Variants in CEP112 observed in about 807,000 individuals in gnomAD.
CEP112 encodes the protein centrosomal protein 112, also known as centrosomal protein of 112 kDa.
CEP112 carries 127 observed loss-of-function variants against 153.0 expected under a neutral mutation model. The observed-to-expected ratio is 0.83, with a 90% CI of 0.72 to 0.96. The LOEUF (loss-of-function observed/expected upper bound fraction) is 0.96, where lower values mean the gene tolerates loss of function less well. Among genes scored for constraint, CEP112 ranks in the 40% least tolerant of loss-of-function variants. The pLI is 0.00. For missense variants in CEP112, 1,089 were observed against 1,101.2 expected (o/e 0.99, Z 0.16); for synonymous variants, 358 against 374.4 (o/e 0.96, Z 0.51).
intron 20 of CEP112, among the ~76,000 whole-genome samples, chr17:65,886,875 A>C (rs2059296656): frequency 6.6e-6 from 1 of 152,140 alleles, no homozygotes; most frequent in Non-Finnish European, 1.5e-5. Flanking sequence ...ATGCAGCTAT[A>C]ACTATAATAT....
intron 21 of CEP112, among the ~76,000 whole-genome samples, chr17:65,766,625 T>A (rs1356094692): frequency 3.9e-5 from 6 of 151,934 alleles, no homozygotes; most frequent in Non-Finnish European, 7.4e-5. Flanking sequence ...ATTATATGCT[T>A]CCTATGAGAG....
intron 19 of CEP112, among the ~76,000 whole-genome samples, chr17:65,905,970 C>T (rs1158714740): frequency 6.6e-6 from 1 of 151,618 alleles, no homozygotes; most frequent in Non-Finnish European, 1.5e-5. Context: ...GACACATGCA[C>T]ACTTATGTTT....
chr17:65,644,313 C>G, intron 24 of CEP112: 1 of 576,322 alleles, frequency 1.7e-6, no homozygotes, highest in Non-Finnish European at 3.1e-6. Flanking sequence ...AGGCCATGTT[C>G]CATTTGAGTG....
intron 4 of CEP112, among the ~76,000 whole-genome samples, chr17:66,170,842 A>G (rs2072214722): frequency 6.6e-6 from 1 of 152,176 alleles, no homozygotes. Context: ...TAGCAATGCA[A>G]TGTGGAACAG....
chr17:65,737,827 T>C (rs2050890787), intron 23 of CEP112, among the ~76,000 whole-genome samples: 1 of 152,244 alleles, frequency 6.6e-6, no homozygotes, highest in Admixed American at 6.5e-5. Context: ...GTTAATCTAC[T>C]AAACTTACAT....
At chr17:66,137,341 T>A (rs868211217) in intron 4 of CEP112, among the ~76,000 whole-genome samples, 30 of 152,008 alleles carry the variant, frequency 2.0e-4, no homozygotes, top group Middle Eastern at 3.2e-3. Flanking sequence ...AAGAAACTTA[T>A]GAGACACTAT....
At chr17:65,712,575 C>T (rs2049254494) in intron 23 of CEP112, among the ~76,000 whole-genome samples, 1 of 152,140 alleles carries the variant, frequency 6.6e-6, no homozygotes, top group Non-Finnish European at 1.5e-5. Context: ...ATGTAGTTAC[C>T]GCCCTCTTCT....
chr17:66,070,064 T>C lies in CEP112; in HGVS notation c.769-63A>G, dbSNP rs1568457475. 1.4e-5 allele frequency: 12 copies of C among 870,024 alleles called. No individual in the cohort carries two copies. The East Asian group carries it at 3.0e-4, about 22-fold the overall frequency. The allele number at this position is 870,024 out of a possible 1,614,324, so 53.9% of individuals were successfully genotyped here. ...TTTCCCTTTGGCAAAAAATACACAA[T>C]TAAACTAAAATAATTCCCTATAAAA... On this transcript the variant is annotated intron_variant, in intron 8 of 26. Transcript: ENST00000535342.
intron 18 of CEP112, among the ~76,000 whole-genome samples, chr17:65,961,009 T>TAAAA (rs34186038): frequency 2.0e-5 from 3 of 146,452 alleles, no homozygotes; most frequent in African/African-American, 5.0e-5. Flanking sequence ...CTTTAAAAAC[T>TAAAA]AAAAAAAAAA....
intron 24 of CEP112, among the ~76,000 whole-genome samples, chr17:65,641,847 T>G (rs1332830091): frequency 6.6e-6 from 1 of 152,200 alleles, no homozygotes; most frequent in Non-Finnish European, 1.5e-5. Context: ...AGAATCTGCA[T>G]AGCTGTGTCT....
intron 8 of CEP112, among the ~76,000 whole-genome samples, chr17:66,094,759 G>C (rs138955689): frequency 6.6e-6 from 1 of 151,916 alleles, no homozygotes; most frequent in Admixed American, 6.6e-5. Flanking sequence ...TCTAATAAGG[G>C]GTTAACATCC....
rs74004913 is a variant in CEP112 at position 65,701,526 on chromosome 17, C to T, written c.2608-12308G>A. On this transcript the variant is annotated intron_variant, in intron 23 of 26. Coordinates refer to ENST00000535342, the MANE Select transcript of CEP112 (RefSeq NM_001199165.4). ...AGTCACTGAGTTTGAATGCATATCA[C>T]GACATCCAGCTCTCCTGCCTGATAT... Among the ~76,000 whole-genome samples, 610 of 152,262 alleles carry T rather than the reference C, an allele frequency of 4.0e-3. 4 individuals carry two copies. The highest frequency in any genetic ancestry group is 0.014 in the African/African-American group (565 of 41,542).
At chr17:65,704,585 T>G (rs1046204979) in intron 23 of CEP112, among the ~76,000 whole-genome samples, 1 of 152,136 alleles carries the variant, frequency 6.6e-6, no homozygotes, top group Non-Finnish European at 1.5e-5. Flanking sequence ...TCTATCGGTA[T>G]TTTCTTAATT....
intron 17 of CEP112, among the ~76,000 whole-genome samples, chr17:65,988,564 CAAA>C (rs1285104524): frequency 6.6e-6 from 1 of 152,002 alleles, no homozygotes. Flanking sequence ...AGAAATCTAA[CAAA>C]GAAATTAAAA....
intron 6 of CEP112, among the ~76,000 whole-genome samples, chr17:66,098,245 G>A (rs1163429761): frequency 6.6e-6 from 1 of 152,180 alleles, no homozygotes; most frequent in African/African-American, 2.4e-5. Context: ...CAGCCTCTCT[G>A]AACCTATTAT....
chr17:66,175,947 C>T lies in CEP112; in HGVS notation c.298-731G>A, dbSNP rs114837877. 1.8e-3 allele frequency among the ~76,000 whole-genome samples: 267 copies of T among 152,290 alleles called. 1 individual carries two copies. The highest frequency in any genetic ancestry group is 6.2e-3 in the African/African-American group (259 of 41,556). Reference sequence around the variant, plus strand: ...ATTCTCCCAATCCTACAGACAGAATCCTCAAGGCACTGTTCTTTAGGGAGG... The same window carrying T: ...ATTCTCCCAATCCTACAGACAGAATTCTCAAGGCACTGTTCTTTAGGGAGG... On this transcript the variant is annotated intron_variant, in intron 3 of 26. Transcript: ENST00000535342.
At chr17:66,121,136 C>T (rs1481745702) in intron 6 of CEP112, among the ~76,000 whole-genome samples, 2 of 151,878 alleles carry the variant, frequency 1.3e-5, no homozygotes, top group Non-Finnish European at 2.9e-5. Context: ...AAAAGTTAGG[C>T]GTGGTGGCAC....
intron 5 of CEP112, among the ~76,000 whole-genome samples, chr17:66,131,856 GCA>G (rs2070184175): frequency 6.6e-6 from 1 of 151,642 alleles, no homozygotes; most frequent in African/African-American, 2.4e-5. Flanking sequence ...GAATAAGCAG[GCA>G]CAGTGTTTCT....
At chr17:66,032,504 G>T (rs2065532145) in intron 12 of CEP112, among the ~76,000 whole-genome samples, 1 of 152,128 alleles carries the variant, frequency 6.6e-6, no homozygotes, top group African/African-American at 2.4e-5. Flanking sequence ...CTACCACTAG[G>T]AGCGAAAGTT....
Sources: gnomAD v4.1 joint callset for allele counts (sites outside exome capture counted in the v4.1 genomes callset) on GRCh38, gnomAD v4.1.1 for gene constraint, MANE v1.5 for transcripts, NCBI Gene and HGNC (gene_info 2026-07-23, HGNC 2026-07-21) for gene names.